The following ST8SIA5 variants were observed in gnomAD, a reference collection of about 807,000 sequenced individuals.
ST8SIA5 encodes ST8 alpha-N-acetyl-neuraminide alpha-2,8-sialyltransferase 5, also known as alpha-2,8-sialyltransferase 8E.
A neutral mutation model predicts 40.2 loss-of-function variants in ST8SIA5; 24 were observed. That is an observed-to-expected ratio of 0.60 (90% CI 0.43 to 0.84). ST8SIA5 has a LOEUF of 0.84. Ranked by LOEUF, ST8SIA5 falls within the 40% of genes least tolerant of loss-of-function variation. The pLI is 0.00. For synonymous variants in ST8SIA5, 198 were observed against 201.8 expected (o/e 0.98, Z 0.16); for missense variants, 465 against 498.5 (o/e 0.93, Z 0.64).
At chr18:46,704,122 T>G (rs758157124) in intron 2 of ST8SIA5, among the ~76,000 whole-genome samples, 1 of 152,204 alleles carries the variant, frequency 6.6e-6, no homozygotes, top group Non-Finnish European at 1.5e-5. Flanking sequence ...ACTGCACAAA[T>G]TTTGTATCAC....
At chr18:46,695,177 AC>A (rs397974582) in intron 2 of ST8SIA5, among the ~76,000 whole-genome samples, 19 of 149,164 alleles carry the variant, frequency 1.3e-4, no homozygotes, top group Non-Finnish European at 2.4e-4. Context: ...AAAAAAAAAA[AC>A]CCTTTTTAAA....
At chr18:46,716,269 TACATGTA>T (rs1169259038) in intron 1 of ST8SIA5, among the ~76,000 whole-genome samples, 1 of 152,140 alleles carries the variant, frequency 6.6e-6, no homozygotes, top group Non-Finnish European at 1.5e-5. Flanking sequence ...AATGGGATAA[TACATGTA>T]AGGCACCCAG....
chr18:46,680,408 G>A lies in ST8SIA5; in HGVS notation c.765C>T (p.Thr255=), dbSNP rs773311529. ...CGTACTTGACGCGGATGGACACGTC[G>A]GTGTTGCGCGTGTTGTAGAAGGCAG... The part of the protein sequence containing the change: ...LLPAFYNTRN[T]DVSIRVKYVL... The change falls in exon 7 of 7, where the codon ACC becomes ACT. Residue 255 remains threonine, a synonymous_variant. Transcript: ENST00000315087. The A allele has an allele frequency of 5.0e-6, 8 of 1,613,484 alleles. No homozygotes were observed. The East Asian group carries it at 1.1e-4, about 22-fold the overall frequency.
At chr18:46,756,345 C>T in intron 1 of ST8SIA5, 33 bp downstream of exon 1, 1 of 1,604,034 alleles carries the variant, frequency 6.2e-7, no homozygotes. Context: ...CGGCCGGCTC[C>T]GCGCATCCCG....
intron 1 of ST8SIA5, among the ~76,000 whole-genome samples, chr18:46,726,032 TGG>T (rs2039925913): frequency 7.7e-5 from 6 of 77,864 alleles, no homozygotes; most frequent in African/African-American, 3.9e-4. Context: ...ATATATATCC[TGG>T]ATATATATAT....
intron 1 of ST8SIA5, among the ~76,000 whole-genome samples, chr18:46,726,392 C>T (rs2039930177): frequency 6.6e-6 from 1 of 151,976 alleles, no homozygotes; most frequent in South Asian, 2.1e-4. Context: ...CACTAACACA[C>T]ATAGAAATAT....
chr18:46,738,348 C>T (rs2040055479), intron 1 of ST8SIA5, among the ~76,000 whole-genome samples: 1 of 151,454 alleles, frequency 6.6e-6, no homozygotes, highest in Non-Finnish European at 1.5e-5. Context: ...GAGGAAGGTA[C>T]AGGAAACTCA....
At chr18:46,700,086 G>C (rs1303297969) in intron 2 of ST8SIA5, among the ~76,000 whole-genome samples, 1 of 152,234 alleles carries the variant, frequency 6.6e-6, no homozygotes, top group Non-Finnish European at 1.5e-5. Context: ...TTAAAATAAA[G>C]GGGCTCTAGA....
chr18:46,703,157 A>AT (rs1351333554), intron 2 of ST8SIA5, among the ~76,000 whole-genome samples: 3 of 151,986 alleles, frequency 2.0e-5, no homozygotes, highest in Non-Finnish European at 2.9e-5. Context: ...ATTTTATTTT[A>AT]TTTTTTGAGA....
chr18:46,717,855 A>C (rs2039808178), intron 1 of ST8SIA5, among the ~76,000 whole-genome samples: 1 of 151,714 alleles, frequency 6.6e-6, no homozygotes, highest in Non-Finnish European at 1.5e-5. Context: ...TTTTTACACA[A>C]TTCACATTTA....
At chr18:46,754,936 A>C (rs371032768) in intron 1 of ST8SIA5, among the ~76,000 whole-genome samples, 3 of 152,280 alleles carry the variant, frequency 2.0e-5, no homozygotes, top group African/African-American at 7.2e-5. Context: ...CTTGCATAGG[A>C]TCATCTCAGG....
rs1039070052 is a variant in ST8SIA5 at position 46,676,723 on chromosome 18, G to A, written c.*3319C>T. On this transcript the variant is annotated 3_prime_UTR_variant, in exon 7 of 7. Coordinates refer to ENST00000315087, the MANE Select transcript of ST8SIA5 (RefSeq NM_013305.6). ...GTTTAGCACAAAGGAAGACATGATG[G>A]TTGTTTTGTTTACGGGAATCGATTT... The A allele has an allele frequency of 2.6e-5, 4 of 152,248 alleles. No individual in the cohort carries two copies. In the East Asian group the frequency reaches 7.7e-4, roughly 29 times the overall value. 9.4% of individuals were successfully genotyped at this position (152,248 alleles called of 1,614,324 possible). A position where few individuals can be genotyped will look rare whatever the true frequency, so the allele number is the denominator to read the frequency against.
At position 46,725,996 on chromosome 18, in the gene ST8SIA5, T is replaced by A. The variant is rs1419384848; in HGVS notation, c.132-21332A>T. On this transcript the variant is annotated intron_variant, in intron 1 of 6. Transcript: ENST00000315087. ...AAATATATATATATATATATATATA[T>A]ATATATATATATATCCTGGATATAT... Among the ~76,000 whole-genome samples the A allele has an allele frequency of 2.0e-4, 13 of 66,068 alleles. 1 individual carries two copies. Among genetic ancestry groups the A allele is most frequent in the Admixed American group, 4.0e-4 (2 of 4,962 alleles). 43.3% of individuals were successfully genotyped at this position (66,068 alleles called of 152,430 possible).
At chr18:46,716,861 G>A (rs977052541) in intron 1 of ST8SIA5, among the ~76,000 whole-genome samples, 7 of 152,248 alleles carry the variant, frequency 4.6e-5, no homozygotes, top group African/African-American at 1.4e-4. Flanking sequence ...GTTGGGCTGG[G>A]GCTAGCAGGG....
rs547858221 is a variant in ST8SIA5, at chr18:46,711,585, C to T, written c.132-6921G>A. 2.6e-5 allele frequency among the ~76,000 whole-genome samples: 4 copies of T among 152,262 alleles called. No homozygotes were observed. In the South Asian group the frequency reaches 6.2e-4, roughly 24 times the overall value. On this transcript the variant is annotated intron_variant, in intron 1 of 6. Coordinates refer to ENST00000315087, the MANE Select transcript of ST8SIA5 (RefSeq NM_013305.6). ...GGCAACAGCCCTTCAGTGAGCTCAG[C>T]GCTATTTCTAGAGCCAGAACAGCTG...
intron 1 of ST8SIA5, among the ~76,000 whole-genome samples, chr18:46,710,958 C>T (rs908663734): frequency 3.9e-5 from 6 of 152,174 alleles, no homozygotes; most frequent in Non-Finnish European, 8.8e-5. Context: ...CTGTGTCACG[C>T]ACAAACACCT....
chr18:46,691,296 T>C (rs1181432224), intron 3 of ST8SIA5, among the ~76,000 whole-genome samples: 1 of 152,232 alleles, frequency 6.6e-6, no homozygotes, highest in Non-Finnish European at 1.5e-5. Context: ...ACTACTACTC[T>C]ACCTCTAGAC....
chr18:46,723,702 G>A (rs1213187568), intron 1 of ST8SIA5, among the ~76,000 whole-genome samples: 1 of 152,132 alleles, frequency 6.6e-6, no homozygotes, highest in Non-Finnish European at 1.5e-5. Context: ...GAGGCAGGCG[G>A]ACTGCCTGAG....
intron 1 of ST8SIA5, among the ~76,000 whole-genome samples, chr18:46,751,555 C>A (rs1262285446): frequency 6.6e-6 from 1 of 151,986 alleles, no homozygotes; most frequent in Non-Finnish European, 1.5e-5. Context: ...TGCCACCACA[C>A]CTGGCTAATT....
Sources: allele counts gnomAD v4.1 joint callset (sites outside exome capture counted in the v4.1 genomes callset), GRCh38; gene constraint gnomAD v4.1.1; transcripts MANE v1.5; gene names NCBI Gene and HGNC (gene_info 2026-07-23, HGNC 2026-07-21).